Variants in EYA2 observed in about 807,000 individuals in gnomAD.
The protein encoded by EYA2 is protein phosphatase EYA2.
In EYA2, 31 loss-of-function variants were observed where a neutral mutation model predicts 69.2. That is an observed-to-expected ratio of 0.45 (90% CI 0.34 to 0.60). The LOEUF (loss-of-function observed/expected upper bound fraction) is 0.60. Among genes scored for constraint, EYA2 ranks in the 20% least tolerant of loss-of-function variants. The pLI is 0.02. For synonymous variants in EYA2, 257 were observed against 279.4 expected, an observed-to-expected ratio of 0.92 and a Z score of 0.80; for missense variants, 622 against 701.2, an observed-to-expected ratio of 0.89 and a Z score of 1.28.
chr20:47,152,894 T>G (rs1451010176), intron 10 of EYA2, among the ~76,000 whole-genome samples: 1 of 151,396 alleles, frequency 6.6e-6, no homozygotes, highest in Non-Finnish European at 1.5e-5. Flanking sequence ...ATCACACCAC[T>G]TCACTCCAGC....
intron 9 of EYA2, among the ~76,000 whole-genome samples, chr20:47,132,261 A>C (rs1210927457): frequency 6.6e-6 from 1 of 152,172 alleles, no homozygotes; most frequent in Admixed American, 6.5e-5. Flanking sequence ...GGTGTTTTAG[A>C]AGGAGGGAGT....
At chr20:46,899,613 G>A (rs1308232083) in intron 1 of EYA2, among the ~76,000 whole-genome samples, 2 of 152,222 alleles carry the variant, frequency 1.3e-5, no homozygotes, top group Non-Finnish European at 2.9e-5. Flanking sequence ...GGTGGGTGTT[G>A]TTTCGGGTTA....
At chr20:47,106,800 C>T (rs951608509) in intron 9 of EYA2, among the ~76,000 whole-genome samples, 1 of 152,126 alleles carries the variant, frequency 6.6e-6, no homozygotes, top group African/African-American at 2.4e-5. Context: ...GCCACTCGCT[C>T]AGCATCCCAA....
chr20:47,117,002 T>TA (rs2032913851), intron 9 of EYA2, among the ~76,000 whole-genome samples: 1 of 149,388 alleles, frequency 6.7e-6, no homozygotes, highest in Non-Finnish European at 1.5e-5. Flanking sequence ...GCATTTTTTT[T>TA]TTTTTTTTTT....
At chr20:46,930,402 GTTAC>G (rs1344482958) in intron 1 of EYA2, among the ~76,000 whole-genome samples, 1 of 152,164 alleles carries the variant, frequency 6.6e-6, no homozygotes, top group African/African-American at 2.4e-5. Flanking sequence ...GAAAGGTGAA[GTTAC>G]TTACTTTGCT....
chr20:46,957,528 T>TTC (rs1427470716), intron 1 of EYA2, among the ~76,000 whole-genome samples: 3 of 104,502 alleles, frequency 2.9e-5, no homozygotes, highest in East Asian at 5.8e-4. Context: ...AGAAGGAGAT[T>TTC]TCACACACAC....
intron 9 of EYA2, among the ~76,000 whole-genome samples, chr20:47,142,443 T>C (rs2033616287): frequency 6.6e-6 from 1 of 152,272 alleles, no homozygotes; most frequent in Non-Finnish European, 1.5e-5. Flanking sequence ...CAGTTTCATA[T>C]CAGTAACTCC....
chr20:46,913,968 G>C (rs1984773282), intron 1 of EYA2, among the ~76,000 whole-genome samples: 3 of 152,162 alleles, frequency 2.0e-5, no homozygotes, highest in Admixed American at 1.3e-4. Flanking sequence ...TGGCCCTGCT[G>C]GTACATGGCC....
chr20:47,046,463 C>T (rs1033062183), intron 5 of EYA2, among the ~76,000 whole-genome samples: 9 of 152,192 alleles, frequency 5.9e-5, no homozygotes, highest in African/African-American at 2.2e-4. Flanking sequence ...AAGGTGTCTG[C>T]ATCTCTCATC....
chr20:47,012,301 A>G (rs931142230), intron 4 of EYA2, among the ~76,000 whole-genome samples: 26 of 152,194 alleles, frequency 1.7e-4, no homozygotes, highest in Admixed American at 1.3e-3. Context: ...CCTGCGGAGT[A>G]GCAGGTCTGA....
At chr20:46,922,416 T>C (rs1047379770) in intron 1 of EYA2, among the ~76,000 whole-genome samples, 4 of 152,240 alleles carry the variant, frequency 2.6e-5, no homozygotes, top group African/African-American at 9.7e-5. Context: ...TACTCTACTG[T>C]ACATTCCAAA....
intron 7 of EYA2, 78 bp from the exon 8 acceptor site, chr20:47,089,161 G>C: frequency 6.5e-7 from 1 of 1,541,270 alleles, no homozygotes; most frequent in South Asian, 1.2e-5. Flanking sequence ...GGAGCTAGAC[G>C]GTGCTGTTGG....
At chr20:47,026,660 C>T (rs1600651000) in intron 5 of EYA2, among the ~76,000 whole-genome samples, 1 of 152,178 alleles carries the variant, frequency 6.6e-6, no homozygotes, top group Non-Finnish European at 1.5e-5. Context: ...GGATTTCAGA[C>T]TCAAATAGTA....
chr20:46,899,047 A>G (rs964192446), intron 1 of EYA2, among the ~76,000 whole-genome samples: 1 of 152,228 alleles, frequency 6.6e-6, no homozygotes, highest in Non-Finnish European at 1.5e-5. Flanking sequence ...GTATTTTTAA[A>G]GTGGATTCTT....
intron 5 of EYA2, among the ~76,000 whole-genome samples, chr20:47,034,488 G>A (rs185493254): frequency 1.2e-3 from 182 of 152,318 alleles, no homozygotes; most frequent in African/African-American, 4.1e-3. Context: ...CCTTGCATAA[G>A]TGTGCAAGTG....
At chr20:46,981,701 G>A (rs932133920) in intron 1 of EYA2, among the ~76,000 whole-genome samples, 1 of 152,080 alleles carries the variant, frequency 6.6e-6, no homozygotes, top group Admixed American at 6.5e-5. Context: ...GTATGTCCCT[G>A]TAAATCTCTA....
intron 12 of EYA2, 65 bp downstream of exon 12, chr20:47,172,932 C>G: frequency 6.6e-7 from 1 of 1,522,692 alleles, no homozygotes; most frequent in Non-Finnish European, 8.8e-7. Flanking sequence ...CTGTCAGTGT[C>G]CCTGCTGTGC....
intron 9 of EYA2, among the ~76,000 whole-genome samples, chr20:47,137,947 C>G (rs2033513806): frequency 6.9e-6 from 1 of 145,412 alleles, no homozygotes; most frequent in Admixed American, 7.2e-5. Context: ...AATGAGAACA[C>G]ATGGACACAG....
At chr20:47,064,041 A>G (rs923413239) in intron 5 of EYA2, among the ~76,000 whole-genome samples, 1 of 152,194 alleles carries the variant, frequency 6.6e-6, no homozygotes, top group African/African-American at 2.4e-5. Flanking sequence ...CTGCAGCTTC[A>G]ACTTCCCAGG....
Sources: gnomAD v4.1 joint callset for allele counts (sites outside exome capture counted in the v4.1 genomes callset) on GRCh38, gnomAD v4.1.1 for gene constraint, MANE v1.5 for transcripts, NCBI Gene and HGNC (gene_info 2026-07-23, HGNC 2026-07-21) for gene names.